ALG13: variants seen among roughly 807,000 people sequenced by gnomAD.
ALG13 encodes the protein UDP-N-acetylglucosamine transferase subunit ALG13.
A neutral mutation model predicts 87.8 loss-of-function variants in ALG13; 11 were observed. The observed-to-expected ratio is 0.13, with a 90% CI of 0.08 to 0.21. The LOEUF (loss-of-function observed/expected upper bound fraction) is 0.21. Ranked by LOEUF, ALG13 falls within the 10% of genes least tolerant of loss-of-function variation. ALG13 has a pLI of 1.00. For missense variants in ALG13, 756 were observed against 866.1 expected (o/e 0.87, Z 1.60); for synonymous variants, 320 against 306.3 (o/e 1.04, Z -0.47).
At chrX:111,725,570 A>C (rs937076696) in intron 15 of ALG13, among the ~76,000 whole-genome samples, 2 of 111,272 alleles carry the variant, frequency 1.8e-5, no homozygotes, top group Non-Finnish European at 3.8e-5. Context: ...ACTGTAGTTA[A>C]CAATTGCATA....
At position 111,708,323 on chromosome X, in the gene ALG13, G is replaced by A. The variant is rs760283484; in HGVS notation, c.680G>A (p.Gly227Asp). The A allele has an allele frequency of 1.7e-6, 2 of 1,209,870 alleles. No individual in the cohort carries two copies. Among genetic ancestry groups the A allele is most frequent in the African/African-American group, 3.5e-5 (2 of 57,174 alleles). ...LNEASMDEYL[G>D]SLGLFRKLTA... is the part of the protein sequence containing the mutation. ...GAGGCATCAATGGATGAATATTTAGGCAGCTTAGGGCTGTTTCGAAAGCTG... is the reference window on the plus strand; with the variant it reads ...GAGGCATCAATGGATGAATATTTAGACAGCTTAGGGCTGTTTCGAAAGCTG... Residue 227 changes from glycine (G) to aspartate (D), a missense_variant, in exon 4 of 27, where the codon GGC becomes GAC. Gly to Asp is a moderately conservative substitution (Grantham distance 94). Coordinates refer to ENST00000394780, the MANE Select transcript of ALG13 (RefSeq NM_001099922.3).
chrX:111,728,766 C>T (rs1272651941), intron 19 of ALG13, among the ~76,000 whole-genome samples: 2 of 110,291 alleles, frequency 1.8e-5, no homozygotes, highest in South Asian at 3.9e-4. Flanking sequence ...TTATTGAACC[C>T]TACGTGATAC....
In ALG13 at chrX:111,723,810, T is replaced by G; in HGVS notation, c.1513T>G (p.Ser505Ala). Residue 505 changes from serine to alanine, a missense_variant, in exon 14 of 27, where the codon TCA becomes GCA. Coordinates refer to ENST00000394780, the MANE Select transcript of ALG13 (RefSeq NM_001099922.3). ...ATTCTCTTTTCAGGTTTGCTTGGAA[T>G]CAGAAGGAAGATATTATAATGCTCA... ...LGDKCQVCLE[S>A]EGRYYNAHIQ... is the part of the protein sequence containing the mutation. 8.5e-7 allele frequency: 1 copy of G among 1,175,276 alleles called. No homozygotes were observed. Among genetic ancestry groups the G allele is most frequent in the East Asian group, 3.0e-5 (1 of 32,877 alleles).
At chrX:111,751,273 T>G (rs1944722534) in intron 24 of ALG13, among the ~76,000 whole-genome samples, 1 of 110,156 alleles carries the variant, frequency 9.1e-6, no homozygotes, top group African/African-American at 3.3e-5. Context: ...TTCACCATGT[T>G]GGCCAGAATG....
chrX:111,747,318 CA>C (rs1944328739), intron 24 of ALG13, among the ~76,000 whole-genome samples: 1 of 112,030 alleles, frequency 8.9e-6, no homozygotes, highest in Non-Finnish European at 1.9e-5. Context: ...TGCAGTCATG[CA>C]ATATATAGCC....
intron 24 of ALG13, among the ~76,000 whole-genome samples, chrX:111,751,696 A>AT (rs1235595520): frequency 9.0e-6 from 1 of 111,614 alleles, no homozygotes; most frequent in African/African-American, 3.3e-5. Flanking sequence ...CTGTGCTCCT[A>AT]TATAATAGTC....
In ALG13 at chrX:111,728,450, G is replaced by A. The variant is rs1942307665; in HGVS notation, c.2368+145G>A. The A allele has an allele frequency of 8.8e-6, 6 of 678,143 alleles. No individual in the cohort carries two copies. The South Asian group carries it at 1.8e-4, about 21-fold the overall frequency. 55.9% of individuals were successfully genotyped at this position (678,143 alleles called of 1,213,427 possible). On this transcript the variant is annotated intron_variant, in intron 19 of 26. Coordinates refer to ENST00000394780, the MANE Select transcript of ALG13 (RefSeq NM_001099922.3). ...AGATTTATATAAGTTCTTAATGCTTGCTGGGTTTTTGAATATGTCCTGGTA... is the reference window on the plus strand; with the variant it reads ...AGATTTATATAAGTTCTTAATGCTTACTGGGTTTTTGAATATGTCCTGGTA...
In ALG13 at chrX:111,726,851, A is replaced by G. The variant is rs369838463; in HGVS notation, c.1772A>G (p.Lys591Arg). 2 of 1,209,012 alleles carry G rather than the reference A, an allele frequency of 1.7e-6. No homozygotes were observed. The highest frequency in any genetic ancestry group is 3.5e-5 in the African/African-American group (2 of 56,899). Residue 591 changes from lysine to arginine, a missense_variant, in exon 16 of 27, where the codon AAG becomes AGG. Lys to Arg is a conservative substitution (Grantham distance 26). Transcript: ENST00000394780. ...ATAAAGCAACAGAAGAAGATGTTCA[A>G]GAAAATTCGAGGGAAAGAAGTTTAC... Reference protein sequence around the residue: ...MDIKQQKKMFKKIRGKEVYMT... With the variant: ...MDIKQQKKMFRKIRGKEVYMT...
At chrX:111,756,884 G>T (rs1045315188) in intron 25 of ALG13, among the ~76,000 whole-genome samples, 1 of 111,749 alleles carries the variant, frequency 8.9e-6, no homozygotes, top group African/African-American at 3.3e-5. Context: ...TAAACCGCTT[G>T]CCCCTTCTGT....
At chrX:111,716,050 A>T (rs1179160748) in intron 8 of ALG13, among the ~76,000 whole-genome samples, 1 of 112,078 alleles carries the variant, frequency 8.9e-6, no homozygotes, top group Non-Finnish European at 1.9e-5. Flanking sequence ...CTTCAAAGTA[A>T]CAAGTATTGG....
intron 25 of ALG13, among the ~76,000 whole-genome samples, chrX:111,754,583 A>G (rs762303799): frequency 8.9e-6 from 1 of 112,331 alleles, no homozygotes; most frequent in Non-Finnish European, 1.9e-5. Flanking sequence ...AGCAAAGTTG[A>G]AGTTGTGTGC....
chrX:111,689,882 G>T (rs1309866192), intron 3 of ALG13: 3 of 751,968 alleles, frequency 4.0e-6, no homozygotes, highest in Non-Finnish European at 4.7e-6. Flanking sequence ...ATTTATGGAA[G>T]TTATTTAGTA....
intron 16 of ALG13, 99 bp from the exon 17 acceptor site, chrX:111,727,233 T>C: frequency 1.1e-6 from 1 of 897,221 alleles, no homozygotes; most frequent in South Asian, 2.4e-5. Context: ...TCTAGTTGAA[T>C]GTTTTTAGAA....
chrX:111,727,678 C>T lies in ALG13; in HGVS notation c.2155C>T (p.Pro719Ser). The change falls in exon 18 of 27, where the codon CCA becomes TCA. Residue 719 changes from proline to serine, a missense_variant. Coordinates refer to ENST00000394780, the MANE Select transcript of ALG13 (RefSeq NM_001099922.3). ...VNKESQYGFT[P>S]GNGQMPRGLE... ...TAAGGAGTCCCAGTATGGATTTACC[C>T]CAGGGAATGGACAGATGCCCAGGGG... is the stretch of plus-strand genomic sequence containing the variant. 8.3e-7 allele frequency: 1 copy of T among 1,209,344 alleles called. No homozygotes were observed. Among genetic ancestry groups the T allele is most frequent in the East Asian group, 3.0e-5 (1 of 33,788 alleles).
At chrX:111,720,336 T>A (rs1410379749) in intron 11 of ALG13, among the ~76,000 whole-genome samples, 166 bp downstream of exon 11, 1 of 112,460 alleles carries the variant, frequency 8.9e-6, no homozygotes, top group Non-Finnish European at 1.9e-5. Context: ...AATGCATACT[T>A]AATGTTCTTT....
chrX:111,687,449 G>A (rs375931500), intron 3 of ALG13, among the ~76,000 whole-genome samples: 19 of 112,011 alleles, frequency 1.7e-4, no homozygotes, highest in African/African-American at 5.8e-4. Flanking sequence ...TAAATTACTG[G>A]CAAAGATTAT....
At chrX:111,750,016 A>C (rs942095031) in intron 24 of ALG13, among the ~76,000 whole-genome samples, 2 of 111,600 alleles carry the variant, frequency 1.8e-5, no homozygotes, top group Admixed American at 9.5e-5. Flanking sequence ...CTGTAGATTA[A>C]AGTTCAACAG....
chrX:111,694,129 C>T (rs1171511477), intron 3 of ALG13, among the ~76,000 whole-genome samples: 3 of 110,456 alleles, frequency 2.7e-5, no homozygotes, highest in African/African-American at 9.9e-5. Context: ...CTGCAAGCTC[C>T]GCCTCTCGGG....
chrX:111,688,570 T>C (rs1935537994), intron 3 of ALG13: 23 of 729,837 alleles, frequency 3.2e-5, no homozygotes, highest in Non-Finnish European at 3.6e-5. Context: ...TATTCACTTT[T>C]TTTTTCTAAA....
Sources: gnomAD v4.1 joint callset for allele counts (sites outside exome capture counted in the v4.1 genomes callset) on GRCh38, gnomAD v4.1.1 for gene constraint, MANE v1.5 for transcripts, NCBI Gene and HGNC (gene_info 2026-07-23, HGNC 2026-07-21) for gene names.